CCNT2: variants seen among roughly 807,000 people sequenced by gnomAD.
CCNT2 encodes the protein cyclin T2.
CCNT2 carries 18 observed loss-of-function variants against 70.0 expected under a neutral mutation model. The observed-to-expected ratio is 0.26, with a 90% confidence interval of 0.18 to 0.38. The LOEUF (loss-of-function observed/expected upper bound fraction) is 0.38, where lower values mean the gene tolerates loss of function less well. Ranked by LOEUF, CCNT2 falls within the 10% of genes least tolerant of loss-of-function variation. The pLI is 1.00. For synonymous variants in CCNT2, 334 were observed against 313.3 expected, an observed-to-expected ratio of 1.07 and a Z score of -0.70; for missense variants, 734 against 890.2, an observed-to-expected ratio of 0.82 and a Z score of 2.23.
chr2:134,922,714 A>C (rs1680002284), intron 2 of CCNT2, among the ~76,000 whole-genome samples: 1 of 151,986 alleles, frequency 6.6e-6, no homozygotes, highest in Non-Finnish European at 1.5e-5. Context: ...GAAAGCACCC[A>C]CCCCCCAAGT....
chr2:134,938,292 T>C (rs1426280955), intron 3 of CCNT2, among the ~76,000 whole-genome samples: 11 of 152,228 alleles, frequency 7.2e-5, no homozygotes, highest in Admixed American at 6.5e-4. Flanking sequence ...TTTAGAAATA[T>C]GTCCTTACAA....
rs1462395514 is a variant in CCNT2 at position 134,958,715 on chromosome 2, A to G, written c.*4067A>G. 3 of 152,212 alleles carry G rather than the reference A, an allele frequency of 2.0e-5. No homozygotes were observed. The highest frequency in any genetic ancestry group is 4.1e-4 in the South Asian group (2 of 4,828). The allele number at this position is 152,212 out of a possible 1,614,324, so 9.4% of individuals were successfully genotyped here. A position where few individuals can be genotyped will look rare whatever the true frequency, so the allele number is the denominator to read the frequency against. The stretch of plus-strand genomic sequence containing the variant: ...ATCTATTTTTGTAATACATTTTGCC[A>G]GTGGGACTGAAAAGCTCAAAATGTT... On this transcript the variant is annotated 3_prime_UTR_variant, in exon 9 of 9. Coordinates refer to ENST00000264157, the MANE Select transcript of CCNT2 (RefSeq NM_058241.3).
intron 6 of CCNT2, among the ~76,000 whole-genome samples, 185 bp from the exon 7 acceptor site, chr2:134,947,551 T>C (rs1373920599): frequency 6.6e-6 from 1 of 152,178 alleles, no homozygotes; most frequent in Non-Finnish European, 1.5e-5. Context: ...GAAATGTTCA[T>C]TTTATGTAGA....
chr2:134,927,622 A>G (rs916208434), intron 2 of CCNT2, among the ~76,000 whole-genome samples: 11 of 152,260 alleles, frequency 7.2e-5, no homozygotes, highest in African/African-American at 1.4e-4. Context: ...CAGATTTTAT[A>G]TAGTTTATAA....
At chr2:134,946,318 A>G in intron 6 of CCNT2, 172 bp downstream of exon 6, 1 of 1,184,064 alleles carries the variant, frequency 8.4e-7, no homozygotes, top group Non-Finnish European at 1.1e-6. Context: ...CTTTGGGCAC[A>G]GAGGGGTTAA....
At chr2:134,948,088 G>A (rs1169764367) in intron 7 of CCNT2, among the ~76,000 whole-genome samples, 189 bp downstream of exon 7, 2 of 152,152 alleles carry the variant, frequency 1.3e-5, no homozygotes, top group African/African-American at 4.8e-5. Flanking sequence ...AGGAGGCTGA[G>A]GCAGGAGGAT....
intron 6 of CCNT2, among the ~76,000 whole-genome samples, chr2:134,946,879 G>A (rs1052534603): frequency 3.3e-5 from 5 of 152,026 alleles, no homozygotes; most frequent in African/African-American, 1.2e-4. Flanking sequence ...TGGATCATTG[G>A]GGAGAAGGGA....
At chr2:134,944,027 T>C in intron 5 of CCNT2, 1 of 984,734 alleles carries the variant, frequency 1.0e-6, no homozygotes, top group Non-Finnish European at 1.2e-6. Flanking sequence ...TTAAAAACTG[T>C]CTGATAGTGT....
At position 134,944,019 on chromosome 2, in the gene CCNT2, A is replaced by G. The variant is rs563317370; in HGVS notation, c.493+1345A>G. The G allele has an allele frequency of 3.7e-5, 36 of 984,362 alleles. 1 individual carries two copies. The South Asian group carries it at 1.5e-3, about 40-fold the overall frequency. The allele number at this position is 984,362 out of a possible 1,614,324, so 61.0% of individuals were successfully genotyped here. ...ATTATGTTAGTGGCTACAATTTTTT[A>G]AAAACTGTCTGATAGTGTCATTAGG... On this transcript the variant is annotated intron_variant, in intron 5 of 8. Coordinates refer to ENST00000264157, the MANE Select transcript of CCNT2 (RefSeq NM_058241.3).
At chr2:134,937,188 C>T (rs536027680) in intron 3 of CCNT2, among the ~76,000 whole-genome samples, 30 of 152,252 alleles carry the variant, frequency 2.0e-4, no homozygotes, top group Admixed American at 2.0e-3. Context: ...GGCTTTGATT[C>T]CAGGTGCTTT....
chr2:134,959,109 TG>T lies in CCNT2; in HGVS notation c.*4462del, dbSNP rs746630400. The T allele has an allele frequency of 1.9e-4, 29 of 152,342 alleles. No homozygotes were observed. The highest frequency in any genetic ancestry group is 1.2e-3 in the South Asian group (6 of 4,826). The allele number at this position is 152,342 out of a possible 1,614,324, so 9.4% of individuals were successfully genotyped here. ...TGAGTACATTCTTAATTTTAAGGTA[TG>T]TTTTTTTCAAGCAGCTTCATTTTAT... is the stretch of plus-strand genomic sequence containing the variant. On this transcript the variant is annotated 3_prime_UTR_variant, in exon 9 of 9. Coordinates refer to ENST00000264157, the MANE Select transcript of CCNT2 (RefSeq NM_058241.3).
chr2:134,950,509 C>A (rs1682406393), intron 7 of CCNT2, among the ~76,000 whole-genome samples: 1 of 152,078 alleles, frequency 6.6e-6, no homozygotes, highest in African/African-American at 2.4e-5. Flanking sequence ...TGGTGGCGCA[C>A]TCCTATAGAC....
intron 5 of CCNT2, chr2:134,945,829 T>G: frequency 7.6e-6 from 11 of 1,447,694 alleles, no homozygotes; most frequent in South Asian, 1.2e-5. Flanking sequence ...GATGCTTAAC[T>G]TAGTAACAAG....
At chr2:134,929,988 A>AAG (rs998370003) in intron 2 of CCNT2, among the ~76,000 whole-genome samples, 79 of 150,400 alleles carry the variant, frequency 5.3e-4, no homozygotes, top group African/African-American at 1.7e-3. Context: ...TTAAAAAAAA[A>AAG]AGAGAGAGAG....
intron 2 of CCNT2, among the ~76,000 whole-genome samples, chr2:134,930,910 A>G (rs968430900): frequency 6.6e-6 from 1 of 151,744 alleles, no homozygotes; most frequent in Non-Finnish European, 1.5e-5. Flanking sequence ...TAGCTCTTAC[A>G]TTTAGGTCTG....
intron 8 of CCNT2, 52 bp downstream of exon 8, chr2:134,952,763 A>T: frequency 8.0e-7 from 1 of 1,256,958 alleles, no homozygotes; most frequent in Middle Eastern, 1.8e-4. Context: ...TGTAACATTT[A>T]CATAGCTAAC....
At chr2:134,932,374 A>G (rs1209705240) in intron 2 of CCNT2, among the ~76,000 whole-genome samples, 1 of 152,162 alleles carries the variant, frequency 6.6e-6, no homozygotes, top group African/African-American at 2.4e-5. Flanking sequence ...AATGCCGGTT[A>G]TGTTAACCAT....
Position 134,949,802 on chromosome 2 carries a change from CG to C in CCNT2, c.703+1913del, listed in dbSNP as rs150690024. ...GATTAGGTAGGCAAAATTTTTTTTT[CG>C]GGGGGGGGGTGGGGGACAGAGTCTC... On this transcript the variant is annotated intron_variant, in intron 7 of 8. Transcript: ENST00000264157. Among the ~76,000 whole-genome samples the C allele has an allele frequency of 8.5e-3, 415 of 48,872 alleles. 3 individuals are homozygous for C. The highest frequency in any genetic ancestry group is 0.019 in the African/African-American group (263 of 13,782). 32.1% of individuals were successfully genotyped at this position (48,872 alleles called of 152,430 possible). A position where few individuals can be genotyped will look rare whatever the true frequency, so the allele number is the denominator to read the frequency against.
At chr2:134,951,500 A>G (rs1362752507) in intron 7 of CCNT2, among the ~76,000 whole-genome samples, 1 of 152,154 alleles carries the variant, frequency 6.6e-6, no homozygotes, top group African/African-American at 2.4e-5. Flanking sequence ...TTGCTAATAT[A>G]TTAATAGTGT....
Sources: gnomAD v4.1 joint callset for allele counts (sites outside exome capture counted in the v4.1 genomes callset) on GRCh38, gnomAD v4.1.1 for gene constraint, MANE v1.5 for transcripts, NCBI Gene and HGNC (gene_info 2026-07-23, HGNC 2026-07-21) for gene names.